The following DENND10 variants were observed in gnomAD, a reference collection of about 807,000 sequenced individuals.
DENND10 encodes the protein DENN domain-containing protein 10.
In DENND10, 24 loss-of-function variants were observed where a neutral mutation model predicts 43.6. The observed-to-expected ratio is 0.55, with a 90% CI of 0.40 to 0.77. The LOEUF (loss-of-function observed/expected upper bound fraction) is 0.77. DENND10 is among the 30% of genes least tolerant of loss of function. The pLI is 0.00. For synonymous variants in DENND10, 125 were observed against 157.6 expected, an observed-to-expected ratio of 0.79 and a Z score of 1.55; for missense variants, 303 against 429.9, an observed-to-expected ratio of 0.70 and a Z score of 2.61.
Position 119,132,662 on chromosome 10 carries a change from TGGTGTGCGG to T in DENND10, c.897+54_897+62del. On this transcript the variant is annotated intron_variant, in intron 8 of 8. Coordinates refer to ENST00000361432, the MANE Select transcript of DENND10 (RefSeq NM_207009.4). This position sits in a 1 kb window ranked among gnomAD's most constrained non-coding sequence, Gnocchi z 4.2. ...AAAGTCCTGACCCGGTGTCGCTGGG[TGGTGTGCGG>T]CAGAGCTGTGCACATAAGCAGAGTG... The T allele has an allele frequency of 3.5e-6, 5 of 1,448,206 alleles. No homozygotes were observed. The highest frequency in any genetic ancestry group is 2.3e-5 in the East Asian group (1 of 44,060). The allele number at this position is 1,448,206 out of a possible 1,614,324, so 89.7% of individuals were successfully genotyped here. A position where few individuals can be genotyped will look rare whatever the true frequency, so the allele number is the denominator to read the frequency against.
At position 119,109,622 on chromosome 10, in the gene DENND10, C is replaced by CT. The variant is rs776609518; in HGVS notation, c.252+1473dup. On this transcript the variant is annotated intron_variant, in intron 2 of 8. Coordinates refer to ENST00000361432, the MANE Select transcript of DENND10 (RefSeq NM_207009.4). ...CAAAATATAAATTTGCAAGAAGATA[C>CT]TTTTTTTTTTTTTTTACGGGAGTTT... is the stretch of plus-strand genomic sequence containing the variant. 1.6e-3 allele frequency among the ~76,000 whole-genome samples: 227 copies of CT among 141,044 alleles called. 1 individual carries two copies. The highest frequency in any genetic ancestry group is 2.0e-3 in the African/African-American group (78 of 38,758). The allele number at this position is 141,044 out of a possible 152,430, so 92.5% of individuals were successfully genotyped here. A position where few individuals can be genotyped will look rare whatever the true frequency, so the allele number is the denominator to read the frequency against.
chr10:119,128,362 C>T (rs148274966), intron 6 of DENND10, among the ~76,000 whole-genome samples: 27 of 152,170 alleles, frequency 1.8e-4, no homozygotes, highest in African/African-American at 5.8e-4. Flanking sequence ...GTAATCCCAG[C>T]GCTTTGGAAG....
Position 119,117,624 on chromosome 10 carries a change from G to T in DENND10, c.438G>T (p.Lys146Asn). The change falls in exon 4 of 9, where the codon AAG becomes AAT. Residue 146 changes from lysine (K) to asparagine (N), a missense_variant. Physicochemically the swap from Lys to Asn is moderately conservative, Grantham distance 94. Transcript: ENST00000361432. ...QSEENGSFLS[K>N]DFDARKAYLA... ...AAGAAAACGGCTCTTTCCTTAGTAA[G>T]GATTTTGATGCCCGAAAGGCCTACC... 6.2e-7 allele frequency: 1 copy of T among 1,614,094 alleles called. No individual in the cohort carries two copies.
Position 119,112,415 on chromosome 10 carries a change from T to C in DENND10, c.332+487T>C, listed in dbSNP as rs554639818. Among the ~76,000 whole-genome samples, 16 of 152,280 alleles carry C rather than the reference T, an allele frequency of 1.1e-4. No individual in the cohort carries two copies. In the South Asian group the frequency reaches 3.3e-3, roughly 32 times the overall value. On this transcript the variant is annotated intron_variant, in intron 3 of 8. Coordinates refer to ENST00000361432, the MANE Select transcript of DENND10 (RefSeq NM_207009.4). ...GGTTAGTCACGATTCAGCTAGACTC[T>C]TTTAGTTTCATCTCCATTGTTGAAA... is the stretch of plus-strand genomic sequence containing the variant.
At chr10:119,123,605 C>T in intron 6 of DENND10, 36 bp downstream of exon 6, 16 of 1,033,552 alleles carry the variant, frequency 1.5e-5, no homozygotes, top group Non-Finnish European at 1.9e-5. Context: ...AACTGTTTCA[C>T]TTTTTTTTTT....
intron 8 of DENND10, among the ~76,000 whole-genome samples, chr10:119,136,249 T>C (rs977987449): frequency 6.1e-5 from 4 of 65,808 alleles, no homozygotes; most frequent in Admixed American, 1.4e-4. Context: ...CAGGCTGGAG[T>C]GCAGTGGTGC....
At chr10:119,136,378 A>G (rs1322254446) in intron 8 of DENND10, 93 bp from the exon 9 acceptor site, 14 of 1,437,548 alleles carry the variant, frequency 9.7e-6, no homozygotes, top group African/African-American at 1.4e-5. Context: ...CATAGTTTAT[A>G]AACAGTCTGG....
chr10:119,105,897 A>G (rs1844674093), intron 1 of DENND10, among the ~76,000 whole-genome samples: 1 of 152,128 alleles, frequency 6.6e-6, no homozygotes, highest in Non-Finnish European at 1.5e-5. Flanking sequence ...GTCTCAAAAA[A>G]AGAAATTGAA....
chr10:119,107,406 C>CTT lies in DENND10; in HGVS notation c.56-548_56-547dup, dbSNP rs748394240. Among the ~76,000 whole-genome samples the CTT allele has an allele frequency of 9.3e-5, 13 of 140,412 alleles. No homozygotes were observed. The East Asian group carries it at 1.4e-3, about 15-fold the overall frequency. 92.1% of individuals were successfully genotyped at this position (140,412 alleles called of 152,430 possible). A position where few individuals can be genotyped will look rare whatever the true frequency, so the allele number is the denominator to read the frequency against. On this transcript the variant is annotated intron_variant, in intron 1 of 8. Coordinates refer to ENST00000361432, the MANE Select transcript of DENND10 (RefSeq NM_207009.4). ...GAGAAACTCTAACATCTTTCTTTGT[C>CTT]TTTTTTTTTTTTTTTGAGACCAAGT...
chr10:119,127,626 G>A (rs980140437), intron 6 of DENND10, among the ~76,000 whole-genome samples: 8 of 151,176 alleles, frequency 5.3e-5, no homozygotes, highest in Admixed American at 2.7e-4. Flanking sequence ...CTACAGGCAT[G>A]TGCCACCATG....
intron 1 of DENND10, chr10:119,105,654 A>G: frequency 2.8e-6 from 1 of 353,626 alleles, no homozygotes; most frequent in Non-Finnish European, 4.1e-6. Flanking sequence ...TCATATTTTG[A>G]ACTCAGCAGT....
intron 3 of DENND10, among the ~76,000 whole-genome samples, chr10:119,112,695 A>G (rs1337028882): frequency 1.3e-5 from 2 of 151,646 alleles, no homozygotes; most frequent in East Asian, 1.9e-4. Context: ...GGGTTTCACC[A>G]TGTTGCCCAG....
chr10:119,121,553 C>CAAGT (rs1845578730), intron 5 of DENND10, among the ~76,000 whole-genome samples: 1 of 148,546 alleles, frequency 6.7e-6, no homozygotes, highest in Non-Finnish European at 1.5e-5. Flanking sequence ...CTCCCGTGTT[C>CAAGT]AAGTAATTCT....
intron 2 of DENND10, among the ~76,000 whole-genome samples, chr10:119,111,390 C>A (rs1300385397): frequency 6.6e-6 from 1 of 151,214 alleles, no homozygotes; most frequent in Non-Finnish European, 1.5e-5. Context: ...GCTGGAGGAT[C>A]TCTTGAGCCC....
At chr10:119,120,541 A>G (rs2133493510) in intron 5 of DENND10, 89 bp downstream of exon 5, 2 of 830,162 alleles carry the variant, frequency 2.4e-6, no homozygotes, top group Non-Finnish European at 2.1e-6. Flanking sequence ...TGTGTTGCAC[A>G]TTTGCTATAA....
intron 4 of DENND10, among the ~76,000 whole-genome samples, chr10:119,119,162 G>A (rs938341459): frequency 1.3e-5 from 2 of 152,112 alleles, no homozygotes; most frequent in East Asian, 3.9e-4. Flanking sequence ...GTGCCACCAC[G>A]CCTGCCTAAT....
chr10:119,133,008 G>A, intron 8 of DENND10: 2 of 199,898 alleles, frequency 1.0e-5, no homozygotes, highest in Non-Finnish European at 2.1e-5. Flanking sequence ...TGCTTTGCTT[G>A]TCTCCAGGAC....
chr10:119,115,418 C>G (rs1217638740), intron 3 of DENND10, among the ~76,000 whole-genome samples: 3 of 40,606 alleles, frequency 7.4e-5, no homozygotes, highest in African/African-American at 1.2e-4. Flanking sequence ...GACGGAGTCT[C>G]GCTCTGTCGC....
intron 6 of DENND10, among the ~76,000 whole-genome samples, chr10:119,124,634 T>A (rs1845745979): frequency 1.3e-5 from 2 of 152,146 alleles, no homozygotes; most frequent in Admixed American, 1.3e-4. Flanking sequence ...TCTGCCCATC[T>A]TGGCCTCCCA....
Sources: allele counts gnomAD v4.1 joint callset (sites outside exome capture counted in the v4.1 genomes callset), GRCh38; gene constraint gnomAD v4.1.1; non-coding constraint Gnocchi (gnomAD v3.1); transcripts MANE v1.5; gene names NCBI Gene and HGNC (gene_info 2026-07-23, HGNC 2026-07-21).